Variants in KIF15 observed in about 807,000 individuals in gnomAD.
The protein encoded by KIF15 is kinesin family member 15, also known as kinesin-like protein KIF15.
A neutral mutation model predicts 190.6 loss-of-function variants in KIF15; 140 were observed. That is an observed-to-expected ratio of 0.73 (90% CI 0.64 to 0.84). KIF15 has a LOEUF of 0.84. Among genes scored for constraint, KIF15 ranks in the 40% least tolerant of loss-of-function variants. The probability of loss-of-function intolerance (pLI) is 0.00; values close to 1 mark genes in which losing one functional copy is unlikely to be tolerated. For missense variants in KIF15, 1,372 were observed against 1,584.4 expected, an observed-to-expected ratio of 0.87 and a Z score of 2.28; for synonymous variants, 528 against 551.3, an observed-to-expected ratio of 0.96 and a Z score of 0.59.
chr3:44,766,807 C>CTTTTTTTTT (rs766382105), intron 1 of KIF15, among the ~76,000 whole-genome samples: 90 of 118,544 alleles, frequency 7.6e-4, no homozygotes, highest in South Asian at 1.1e-3. Flanking sequence ...TTCTTTCTTT[C>CTTTTTTTTT]TTTTTTTTTT....
intron 1 of KIF15, among the ~76,000 whole-genome samples, chr3:44,771,961 A>T (rs1346951608): frequency 1.3e-5 from 2 of 152,176 alleles, no homozygotes; most frequent in Non-Finnish European, 2.9e-5. Flanking sequence ...TTTACCAATA[A>T]TTTTTAAGGC....
At chr3:44,789,120 C>T (rs1402080340) in intron 7 of KIF15, among the ~76,000 whole-genome samples, 1 of 151,966 alleles carries the variant, frequency 6.6e-6, no homozygotes, top group Non-Finnish European at 1.5e-5. Flanking sequence ...TTCAGTTTAT[C>T]CTGGGTTTAT....
chr3:44,841,963 C>T (rs1040333627), intron 29 of KIF15, among the ~76,000 whole-genome samples: 3 of 152,224 alleles, frequency 2.0e-5, no homozygotes, highest in African/African-American at 7.2e-5. Context: ...CAGCTATGCT[C>T]TCATCAGGAA....
chr3:44,771,951 T>TTTACCAATAA (rs1705658575), intron 1 of KIF15, among the ~76,000 whole-genome samples: 1 of 152,220 alleles, frequency 6.6e-6, no homozygotes, highest in Admixed American at 6.5e-5. Flanking sequence ...ACATCTGCAT[T>TTTACCAATAA]TTACCAATAA....
chr3:44,802,210 G>A (rs981001733), intron 13 of KIF15, among the ~76,000 whole-genome samples: 4 of 152,170 alleles, frequency 2.6e-5, no homozygotes, highest in Non-Finnish European at 5.9e-5. Flanking sequence ...AGCAGGCCAC[G>A]CAGAATTTCA....
At chr3:44,786,164 C>G (rs1575591654) in intron 6 of KIF15, among the ~76,000 whole-genome samples, 7 of 152,236 alleles carry the variant, frequency 4.6e-5, no homozygotes, top group Admixed American at 6.5e-5. Flanking sequence ...TGCAGTGAGC[C>G]AAGATCGCGC....
At chr3:44,808,810 A>T (rs895500820) in intron 16 of KIF15, among the ~76,000 whole-genome samples, 1 of 152,116 alleles carries the variant, frequency 6.6e-6, no homozygotes, top group African/African-American at 2.4e-5. Context: ...GATCCAAGGC[A>T]TCTCCTTTGA....
chr3:44,771,140 A>G (rs1199713283), intron 1 of KIF15, among the ~76,000 whole-genome samples: 1 of 152,216 alleles, frequency 6.6e-6, no homozygotes, highest in Non-Finnish European at 1.5e-5. Context: ...GTCTGTGAAT[A>G]ACAAAATGTC....
chr3:44,837,816 G>A (rs1458498493), intron 26 of KIF15, among the ~76,000 whole-genome samples: 1 of 152,154 alleles, frequency 6.6e-6, no homozygotes, highest in African/African-American at 2.4e-5. Context: ...GATGGTCTAT[G>A]ACAATGAATC....
chr3:44,855,717 T>TTA (rs1699181663), downstream of KIF15, among the ~76,000 whole-genome samples: 1 of 152,108 alleles, frequency 6.6e-6, no homozygotes, highest in Non-Finnish European at 1.5e-5. Flanking sequence ...TCGTATAGAA[T>TTA]TATTGGTGAT....
intron 16 of KIF15, among the ~76,000 whole-genome samples, chr3:44,808,580 G>A (rs1173304704): frequency 1.4e-5 from 2 of 142,234 alleles, no homozygotes; most frequent in African/African-American, 5.2e-5. Flanking sequence ...TTCCTAGATT[G>A]TGTATTGTTT....
At chr3:44,809,097 T>C (rs1466682501) in intron 16 of KIF15, among the ~76,000 whole-genome samples, 1 of 152,230 alleles carries the variant, frequency 6.6e-6, no homozygotes, top group Non-Finnish European at 1.5e-5. Flanking sequence ...GATGCATAGA[T>C]GCACTCCTTT....
At chr3:44,826,874 C>T in intron 22 of KIF15, 2 of 350,650 alleles carry the variant, frequency 5.7e-6, no homozygotes, top group Admixed American at 6.8e-5. Context: ...GGTTCCTCTC[C>T]TTAGTAGTCT....
intron 6 of KIF15, chr3:44,862,144 C>T (rs1324339903): frequency 1.1e-5 from 2 of 181,022 alleles, no homozygotes. Flanking sequence ...GTTGGTGCTG[C>T]TGCTGCGGGC....
At chr3:44,805,648 A>G (rs563661122) in intron 15 of KIF15, among the ~76,000 whole-genome samples, 197 bp from the exon 16 acceptor site, 4 of 152,342 alleles carry the variant, frequency 2.6e-5, no homozygotes, top group African/African-American at 7.2e-5. Context: ...CCTACCATTT[A>G]CTAGTTGAAT....
Position 44,852,829 on chromosome 3 carries a change from A to G in KIF15, c.*94A>G. The G allele has an allele frequency of 2.2e-6, 2 of 923,616 alleles. No homozygotes were observed. Among genetic ancestry groups the G allele is most frequent in the Non-Finnish European group, 3.3e-6 (2 of 604,734 alleles). 57.2% of individuals were successfully genotyped at this position (923,616 alleles called of 1,614,324 possible). On this transcript the variant is annotated 3_prime_UTR_variant, in exon 35 of 35. Transcript: ENST00000326047. ...ACTCCTGGCCACTTAGGAGAGCTGA[A>G]TTTATGGACCTTAATTATTAAATGT... is the stretch of plus-strand genomic sequence containing the variant.
rs1553668735 is a variant in KIF15 at position 44,863,303 on chromosome 3, C to CA, written c.*60-10026_*60-10025insA. 5.2e-5 allele frequency: 5 copies of CA among 95,472 alleles called. 2 individuals are homozygous for CA. Among genetic ancestry groups the CA allele is most frequent in the Non-Finnish European group, 7.3e-5 (3 of 40,946 alleles). The allele number at this position is 95,472 out of a possible 1,614,324, so 5.9% of individuals were successfully genotyped here. A position where few individuals can be genotyped will look rare whatever the true frequency, so the allele number is the denominator to read the frequency against. On this transcript the variant is annotated intron_variant and NMD_transcript_variant, in intron 6 of 6. Transcript: ENST00000422209. ...AATAAGTATATTTAGATTCCGCACC[C>CA]CCCCCCCCCGCCGCCTTGTCTCCAG...
At chr3:44,830,510 A>ACATAATAT (rs1448038637) in intron 25 of KIF15, among the ~76,000 whole-genome samples, 1 of 152,192 alleles carries the variant, frequency 6.6e-6, no homozygotes, top group Non-Finnish European at 1.5e-5. Flanking sequence ...GCAATATTGG[A>ACATAATAT]CATAATATCA....
chr3:44,799,400 C>G, intron 10 of KIF15: 2 of 454,536 alleles, frequency 4.4e-6, no homozygotes, highest in South Asian at 3.1e-5. Context: ...AGCGAGAATA[C>G]AGAAGACCTT....
Sources: allele counts gnomAD v4.1 joint callset (sites outside exome capture counted in the v4.1 genomes callset), GRCh38; gene constraint gnomAD v4.1.1; transcripts MANE v1.5; gene names NCBI Gene and HGNC (gene_info 2026-07-23, HGNC 2026-07-21).